The following JPH1 variants were observed in gnomAD, a reference collection of about 807,000 sequenced individuals.
JPH1 encodes junctophilin-1.
A neutral mutation model predicts 53.6 loss-of-function variants in JPH1; 12 were observed. That is an observed-to-expected ratio of 0.22 (90% CI 0.14 to 0.36). The LOEUF is 0.36. Ranked by LOEUF, JPH1 falls within the 10% of genes least tolerant of loss-of-function variation. JPH1 has a pLI of 1.00. For missense variants in JPH1, 808 were observed against 905.5 expected (o/e 0.89, Z 1.38); for synonymous variants, 375 against 363.8 (o/e 1.03, Z -0.35).
intron 2 of JPH1, among the ~76,000 whole-genome samples, chr8:74,290,241 C>T (rs1221011699): frequency 1.4e-4 from 21 of 152,170 alleles, no homozygotes; most frequent in Admixed American, 1.4e-3. Context: ...AAAACCCCAT[C>T]ATCTCAGCCC....
chr8:74,254,742 C>A (rs1186710655), intron 3 of JPH1, among the ~76,000 whole-genome samples: 2 of 152,200 alleles, frequency 1.3e-5, no homozygotes, highest in East Asian at 3.9e-4. Flanking sequence ...CATTCTTATA[C>A]ACCAATAACA....
intron 2 of JPH1, among the ~76,000 whole-genome samples, chr8:74,278,530 C>T (rs1270859510): frequency 6.6e-6 from 1 of 152,130 alleles, no homozygotes; most frequent in Non-Finnish European, 1.5e-5. Flanking sequence ...AATGCTGCCA[C>T]CAGAAGACAC....
Position 74,320,192 on chromosome 8 carries a change from A to G in JPH1, c.379+717T>C, listed in dbSNP as rs1808274090. On this transcript the variant is annotated intron_variant, in intron 1 of 5. Coordinates refer to ENST00000342232, the MANE Select transcript of JPH1 (RefSeq NM_020647.4). This position sits in a 1 kb window ranked among gnomAD's most constrained non-coding sequence, Gnocchi z 4.4. ...AAATATCTTCCTAGTAATTTGTCCA[A>G]GATCTCCAGGTCAGCAAAGACTGCT... Among the ~76,000 whole-genome samples the G allele has an allele frequency of 6.6e-6, 1 of 152,204 alleles. No homozygotes were observed. The highest frequency in any genetic ancestry group is 1.5e-5 in the Non-Finnish European group (1 of 68,040).
intron 3 of JPH1, among the ~76,000 whole-genome samples, chr8:74,247,235 T>C (rs1805885300): frequency 6.6e-6 from 1 of 152,238 alleles, no homozygotes. Flanking sequence ...GATGTTTACA[T>C]ACTTTTCCCT....
intron 2 of JPH1, among the ~76,000 whole-genome samples, chr8:74,307,052 G>A (rs1807858162): frequency 6.6e-6 from 1 of 152,110 alleles, no homozygotes; most frequent in Admixed American, 6.5e-5. Flanking sequence ...TGCTGGAAAT[G>A]GGCTGTTTTG....
chr8:74,305,227 CAG>C (rs1050649946), intron 2 of JPH1, among the ~76,000 whole-genome samples: 21 of 152,248 alleles, frequency 1.4e-4, no homozygotes, highest in African/African-American at 3.9e-4. Context: ...GTGAGATTGG[CAG>C]AGTCAGCTTA....
Position 74,244,794 on chromosome 8 carries a change from T to C in JPH1, c.1640A>G (p.His547Arg), listed in dbSNP as rs1805803761. 6 of 1,614,066 alleles carry C rather than the reference T, an allele frequency of 3.7e-6. No individual in the cohort carries two copies. The highest frequency in any genetic ancestry group is 1.1e-5 in the South Asian group (1 of 91,088). Residue 547 changes from histidine to arginine, a missense_variant, in exon 4 of 6, where the codon CAT (histidine) becomes CGT (arginine). His to Arg is a conservative substitution (Grantham distance 29). Transcript: ENST00000342232. ...HIPNPSNGEL[H>R]SQYHGYYVKL... ...CACGTAGTAGCCGTGATACTGAGAA[T>C]GCAGCTCCCCGTTACTGGGGTTGGG...
chr8:74,280,962 T>C (rs867544654), intron 2 of JPH1, among the ~76,000 whole-genome samples: 1 of 152,174 alleles, frequency 6.6e-6, no homozygotes, highest in Non-Finnish European at 1.5e-5. Flanking sequence ...AGGTAATGGT[T>C]TGTCCAAAGT....
At chr8:74,309,679 A>G (rs1807934711) in intron 2 of JPH1, among the ~76,000 whole-genome samples, 1 of 152,256 alleles carries the variant, frequency 6.6e-6, no homozygotes, top group Non-Finnish European at 1.5e-5. Context: ...AAAATTGACG[A>G]AATGAGAAAT....
intron 3 of JPH1, among the ~76,000 whole-genome samples, chr8:74,248,769 A>G (rs1293206720): frequency 6.6e-6 from 1 of 152,248 alleles, no homozygotes; most frequent in African/African-American, 2.4e-5. Context: ...TGGAAGGCAC[A>G]TGTTGTGCCT....
At chr8:74,308,145 C>G (rs1807891429) in intron 2 of JPH1, among the ~76,000 whole-genome samples, 1 of 152,214 alleles carries the variant, frequency 6.6e-6, no homozygotes, top group Non-Finnish European at 1.5e-5. Context: ...TGGTATCTCA[C>G]ATGTTTTGGT....
intron 2 of JPH1, among the ~76,000 whole-genome samples, chr8:74,304,946 T>G (rs1389768999): frequency 6.6e-6 from 1 of 152,224 alleles, no homozygotes; most frequent in Non-Finnish European, 1.5e-5. Flanking sequence ...AATTAAATTT[T>G]TGAGAAAGCA....
At chr8:74,276,241 G>A (rs781525492) in intron 2 of JPH1, among the ~76,000 whole-genome samples, 1 of 152,108 alleles carries the variant, frequency 6.6e-6, no homozygotes, top group Non-Finnish European at 1.5e-5. Context: ...TAAAAGAGTC[G>A]TGACAGATGG....
At chr8:74,278,767 C>T (rs566140705) in intron 2 of JPH1, among the ~76,000 whole-genome samples, 1 of 152,274 alleles carries the variant, frequency 6.6e-6, no homozygotes, top group South Asian at 2.1e-4. Flanking sequence ...AGAAATAGGA[C>T]AGCAGAGACT....
intron 2 of JPH1, among the ~76,000 whole-genome samples, chr8:74,277,461 AC>A (rs1275260565): frequency 3.3e-5 from 5 of 152,366 alleles, no homozygotes; most frequent in African/African-American, 1.2e-4. Context: ...GGATTCACAG[AC>A]TTCAGAAGTG....
chr8:74,237,067 T>C (rs1477628006), intron 5 of JPH1, 32 bp from the exon 6 acceptor site: 4 of 622,530 alleles, frequency 6.4e-6, no homozygotes, highest in Non-Finnish European at 1.1e-5. Flanking sequence ...AGCAATTAAG[T>C]AACTATGTTG....
chr8:74,257,603 C>T (rs1391499949), intron 3 of JPH1, among the ~76,000 whole-genome samples: 1 of 152,200 alleles, frequency 6.6e-6, no homozygotes, highest in African/African-American at 2.4e-5. Context: ...CTTTTCCCAG[C>T]TCTCACGCCC....
chr8:74,275,705 C>T (rs1806826730), intron 2 of JPH1, among the ~76,000 whole-genome samples: 1 of 152,166 alleles, frequency 6.6e-6, no homozygotes, highest in Non-Finnish European at 1.5e-5. Context: ...CCCACTGTGG[C>T]TACATCACAA....
At chr8:74,316,775 T>G (rs1440127529) in intron 1 of JPH1, among the ~76,000 whole-genome samples, 1 of 152,206 alleles carries the variant, frequency 6.6e-6, no homozygotes, top group Non-Finnish European at 1.5e-5. Context: ...AGCAAAGACA[T>G]TAAAAAATAA....
Sources: allele counts gnomAD v4.1 joint callset (sites outside exome capture counted in the v4.1 genomes callset), GRCh38; gene constraint gnomAD v4.1.1; non-coding constraint Gnocchi (gnomAD v3.1); transcripts MANE v1.5; gene names NCBI Gene and HGNC (gene_info 2026-07-23, HGNC 2026-07-21).